Variants in RFX1 observed in about 807,000 individuals in gnomAD.
The protein encoded by RFX1 is regulatory factor X1.
RFX1 carries 42 observed loss-of-function variants against 119.6 expected under a neutral mutation model. That is an observed-to-expected ratio of 0.35 (90% confidence interval 0.27 to 0.45). RFX1 has a LOEUF of 0.45. RFX1 is among the 20% of genes least tolerant of loss of function. The pLI, the probability that RFX1 is intolerant of heterozygous loss-of-function variation, is 1.00. For missense variants in RFX1, 1,118 were observed against 1,368.1 expected (o/e 0.82, Z 2.88); for synonymous variants, 628 against 618.5 (o/e 1.02, Z -0.23).
chr19:13,964,052 G>A (rs1372193768), intron 16 of RFX1, 45 bp from the exon 17 acceptor site: 7 of 1,513,642 alleles, frequency 4.6e-6, no homozygotes, highest in East Asian at 2.5e-5. Flanking sequence ...AGGAACCCCA[G>A]CCCGCCAGCC....
intron 4 of RFX1, 167 bp downstream of exon 4, chr19:13,983,020 T>C (rs1001671005): frequency 3.4e-6 from 2 of 590,906 alleles, no homozygotes; most frequent in Non-Finnish European, 6.0e-6. Context: ...CCCTGCCGGA[T>C]AGTCTCACCC....
At chr19:14,002,689 CAGG>C (rs1390604938) in intron 1 of RFX1, among the ~76,000 whole-genome samples, 3 of 152,176 alleles carry the variant, frequency 2.0e-5, no homozygotes, top group African/African-American at 7.2e-5. Context: ...GCTACAGAGC[CAGG>C]CAATGCCTTC....
At chr19:13,982,617 G>A (rs979989935) in intron 4 of RFX1, among the ~76,000 whole-genome samples, 5 of 152,100 alleles carry the variant, frequency 3.3e-5, no homozygotes, top group African/African-American at 7.2e-5. Flanking sequence ...CAGCCTGGCC[G>A]ACATGGTGAA....
intron 6 of RFX1, among the ~76,000 whole-genome samples, chr19:13,979,889 G>C (rs937865379): frequency 3.3e-5 from 5 of 152,216 alleles, no homozygotes; most frequent in Non-Finnish European, 5.9e-5. Context: ...GTGCTGTGGC[G>C]GGCATGCGGG....
At position 13,977,994 on chromosome 19, in the gene RFX1, G is replaced by A; in HGVS notation, c.927C>T (p.Ala309=). 3 of 1,610,480 alleles carry A rather than the reference G, an allele frequency of 1.9e-6. No homozygotes were observed. Among genetic ancestry groups the A allele is most frequent in the Non-Finnish European group, 2.5e-6 (3 of 1,177,426 alleles). ...CCCACCCCTCTCCCTTCACTTACATGGCACTGGCCGTGTAGCTGGCATCGC... is the reference window on the plus strand; with the variant it reads ...CCCACCCCTCTCCCTTCACTTACATAGCACTGGCCGTGTAGCTGGCATCGC... ...EGGDASYTAS[A]IRSSTYSYPE... The change falls in exon 8 of 21, where the codon GCC becomes GCT. Residue 309 remains alanine (A), a splice_region_variant and synonymous_variant. Coordinates refer to ENST00000254325, the MANE Select transcript of RFX1 (RefSeq NM_002918.5).
intron 7 of RFX1, among the ~76,000 whole-genome samples, chr19:13,978,314 T>G (rs1974315527): frequency 6.6e-6 from 1 of 151,538 alleles, no homozygotes; most frequent in Non-Finnish European, 1.5e-5. Context: ...CCAGCAAGGG[T>G]GGGGCCTGAC....
In RFX1 at chr19:13,964,071, AC is replaced by A; in HGVS notation, c.2212-65del. ...ACCCCAGCCCGCCAGCCCTGGCCCC[AC>A]CCCGCTGCAACCTCCCTAAGCCTGT... On this transcript the variant is annotated intron_variant, in intron 16 of 20. Transcript: ENST00000254325. The A allele has an allele frequency of 2.7e-6, 4 of 1,464,922 alleles. No individual in the cohort carries two copies. The South Asian group carries it at 3.9e-5, about 14-fold the overall frequency. 90.7% of individuals were successfully genotyped at this position (1,464,922 alleles called of 1,614,324 possible).
At position 13,963,706 on chromosome 19, in the gene RFX1, A is replaced by G; in HGVS notation, c.2402T>C (p.Val801Ala). 1 of 1,603,904 alleles carries G rather than the reference A, an allele frequency of 6.2e-7. No individual in the cohort carries two copies. The highest frequency in any genetic ancestry group is 1.1e-5 in the South Asian group (1 of 90,168). ...SWVCRCEDRV[V>A]QRLEQDFKVT... ...CTTGAAGTCCTGCTCCAGCCGCTGC[A>G]CCACGCGGTCCTCGCAGCGGCACAC... The change falls in exon 18 of 21, where the codon GTG becomes GCG. Residue 801 changes from valine to alanine, a missense_variant. Val to Ala is a moderately conservative substitution (Grantham distance 64, BLOSUM62 0). Transcript: ENST00000254325.
rs116772298 is a variant in RFX1 at position 13,988,677 on chromosome 19, A to T, written c.319+4848T>A. Among the ~76,000 whole-genome samples, 795 of 152,140 alleles carry T rather than the reference A, an allele frequency of 5.2e-3. 5 individuals are homozygous for T. Among genetic ancestry groups the T allele is most frequent in the African/African-American group, 0.018 (734 of 41,406 alleles). On this transcript the variant is annotated intron_variant, in intron 2 of 20. Coordinates refer to ENST00000254325, the MANE Select transcript of RFX1 (RefSeq NM_002918.5). ...TGAGCACTGACAGAGCCCTGCCTGC[A>T]GGTGGGCACCCCCACCATCCCATTA...
chr19:13,983,222 G>T lies in RFX1; in HGVS notation c.478C>A (p.Pro160Thr). ...ACTTGGATGTTGGTCAGCTGGAGGG[G>T]CGACACGTGGCCTGGCTTGGCCTGC... is the stretch of plus-strand genomic sequence containing the variant. ...SVQAKPGHVS[P>T]LQLTNIQVPQ... Residue 160 changes from proline to threonine, a missense_variant, in exon 4 of 21, where the codon CCC becomes ACC. Pro to Thr is a conservative substitution (Grantham distance 38, BLOSUM62 -1). Coordinates refer to ENST00000254325, the MANE Select transcript of RFX1 (RefSeq NM_002918.5). 6.3e-7 allele frequency: 1 copy of T among 1,579,854 alleles called. No homozygotes were observed.
At chr19:13,988,440 C>T (rs1226376920) in intron 2 of RFX1, among the ~76,000 whole-genome samples, 1 of 152,192 alleles carries the variant, frequency 6.6e-6, no homozygotes, top group East Asian at 1.9e-4. Flanking sequence ...TCTAGGGAGC[C>T]TGGACCCTGA....
rs1253927381 is a variant in RFX1 at position 13,990,014 on chromosome 19, T to C, written c.319+3511A>G. Among the ~76,000 whole-genome samples the C allele has an allele frequency of 2.0e-5, 3 of 152,150 alleles. No individual in the cohort carries two copies. Among genetic ancestry groups the C allele is most frequent in the African/African-American group, 7.2e-5 (3 of 41,432 alleles). On this transcript the variant is annotated intron_variant, in intron 2 of 20. Transcript: ENST00000254325. This position sits in a 1 kb window ranked among gnomAD's most constrained non-coding sequence, Gnocchi z 4.1. ...GGAAAAATGCAGAATTCAATGTGGC[T>C]GCACTGGCCTGCATCAAATTCAACA...
Position 13,962,398 on chromosome 19 carries a change from A to G in RFX1, c.*297T>C. On this transcript the variant is annotated 3_prime_UTR_variant, in exon 21 of 21. Coordinates refer to ENST00000254325, the MANE Select transcript of RFX1 (RefSeq NM_002918.5). ...GTGGGAGGACGGGGCTGGGGAGAAGACGCTGGGGCCTGGGAGGGGGGCGGC... is the reference window on the plus strand; with the variant it reads ...GTGGGAGGACGGGGCTGGGGAGAAGGCGCTGGGGCCTGGGAGGGGGGCGGC... 1 of 447,712 alleles carries G rather than the reference A, an allele frequency of 2.2e-6. No homozygotes were observed. Among genetic ancestry groups the G allele is most frequent in the Non-Finnish European group, 4.0e-6 (1 of 253,078 alleles). The allele number at this position is 447,712 out of a possible 1,614,324, so 27.7% of individuals were successfully genotyped here. A position where few individuals can be genotyped will look rare whatever the true frequency, so the allele number is the denominator to read the frequency against.
intron 2 of RFX1, among the ~76,000 whole-genome samples, chr19:13,991,634 G>A (rs749176123): frequency 6.6e-6 from 1 of 152,110 alleles, no homozygotes; most frequent in Middle Eastern, 3.2e-3. Context: ...CATCTGCTTT[G>A]TTCCACAACG....
At chr19:13,988,417 T>G (rs377596442) in intron 2 of RFX1, among the ~76,000 whole-genome samples, 118 of 152,230 alleles carry the variant, frequency 7.8e-4, no homozygotes, top group South Asian at 4.3e-3. Context: ...GTGTGCCCAC[T>G]CCAGACCCTG....
chr19:13,979,463 A>G lies in RFX1; in HGVS notation c.818T>C (p.Val273Ala), dbSNP rs1346142322. The change falls in exon 7 of 21, where the codon GTC becomes GCC. Residue 273 changes from valine to alanine, a missense_variant. Transcript: ENST00000254325. Reference protein sequence around the residue: ...QPLTVQGLQPVHVAQEVQQLQ... With the variant: ...QPLTVQGLQPAHVAQEVQQLQ... ...GACACACACCTCTTGAGCCACGTGG[A>G]CTGGCTGGAGGCCCTGCACGGTCAG... 6.9e-6 allele frequency: 11 copies of G among 1,594,900 alleles called. No homozygotes were observed. The highest frequency in any genetic ancestry group is 1.3e-5 in the African/African-American group (1 of 74,206).
At position 13,969,301 on chromosome 19, in the gene RFX1, C is replaced by T. The variant is rs867892471; in HGVS notation, c.1497-407G>A. On this transcript the variant is annotated intron_variant, in intron 10 of 20. Coordinates refer to ENST00000254325, the MANE Select transcript of RFX1 (RefSeq NM_002918.5). The surrounding 1 kb of genome is among the most constrained non-coding windows in gnomAD (Gnocchi z 4.5). ...GAAGCACTGACTAGGTACAACCCCG[C>T]GTCATCGAGGTACGAGCACTGCAGA... 3.9e-5 allele frequency among the ~76,000 whole-genome samples: 6 copies of T among 152,062 alleles called. No homozygotes were observed. Among genetic ancestry groups the T allele is most frequent in the Admixed American group, 6.5e-5 (1 of 15,270 alleles).
chr19:13,972,452 C>T (rs372507284), intron 9 of RFX1, among the ~76,000 whole-genome samples: 3 of 152,286 alleles, frequency 2.0e-5, no homozygotes, highest in African/African-American at 7.2e-5. Context: ...CTTCAGTCTC[C>T]CAAAGTCCTG....
upstream of RFX1, chr19:14,006,558 A>G (rs1181763658): frequency 6.6e-6 from 1 of 152,370 alleles, no homozygotes; most frequent in Non-Finnish European, 1.5e-5. Context: ...GCAGCTGGTT[A>G]AGAATAAAGG....
Sources: allele counts gnomAD v4.1 joint callset (sites outside exome capture counted in the v4.1 genomes callset), GRCh38; gene constraint gnomAD v4.1.1; non-coding constraint Gnocchi (gnomAD v3.1); transcripts MANE v1.5; gene names NCBI Gene and HGNC (gene_info 2026-07-23, HGNC 2026-07-21).